The following TOP3A variants were observed in gnomAD, a reference collection of about 807,000 sequenced individuals.
TOP3A encodes the protein DNA topoisomerase 3-alpha.
In TOP3A, 64 loss-of-function variants were observed where a neutral mutation model predicts 111.3. The observed-to-expected ratio is 0.57, with a 90% CI of 0.47 to 0.71. The LOEUF (loss-of-function observed/expected upper bound fraction) is 0.71. TOP3A is among the 30% of genes least tolerant of loss of function. The pLI is 0.00. For synonymous variants in TOP3A, 484 were observed against 485.1 expected (o/e 1.00, Z 0.03); for missense variants, 1,104 against 1,285.0 (o/e 0.86, Z 2.15).
intron 9 of TOP3A, among the ~76,000 whole-genome samples, chr17:18,295,409 A>C (rs1344659412): frequency 1.3e-5 from 2 of 151,736 alleles, no homozygotes; most frequent in African/African-American, 4.8e-5. Context: ...CGGCCTCCCA[A>C]AGTGCTGGGA....
intron 1 of TOP3A, 48 bp downstream of exon 1, chr17:18,314,551 G>T: frequency 1.3e-6 from 2 of 1,557,968 alleles, no homozygotes; most frequent in Non-Finnish European, 1.7e-6. Flanking sequence ...TGTCCCGCTC[G>T]GTGGGCCTCC....
At chr17:18,308,783 G>A (rs1478223634) in intron 2 of TOP3A, 99 bp downstream of exon 2, 3 of 720,710 alleles carry the variant, frequency 4.2e-6, no homozygotes, top group Non-Finnish European at 6.6e-6. Context: ...GTTGTTAACA[G>A]TTGTTATTCT....
chr17:18,298,339 T>G (rs1297684580), intron 9 of TOP3A, among the ~76,000 whole-genome samples: 2 of 143,940 alleles, frequency 1.4e-5, no homozygotes, highest in African/African-American at 5.5e-5. Flanking sequence ...GGTGGGAGGG[T>G]CAGCCCCCCG....
chr17:18,303,799 G>A (rs1180755926), intron 5 of TOP3A, among the ~76,000 whole-genome samples: 1 of 152,196 alleles, frequency 6.6e-6, no homozygotes, highest in Non-Finnish European at 1.5e-5. Flanking sequence ...CAGCACTGGT[G>A]TAGGTCTTCA....
chr17:18,302,048 AG>A, intron 7 of TOP3A, 63 bp from the exon 8 acceptor site: 2 of 1,516,912 alleles, frequency 1.3e-6, no homozygotes, highest in African/African-American at 2.8e-5. Context: ...TATGACAGAT[AG>A]AAAAAGGTTT....
chr17:18,291,374 T>A (rs1354809905), intron 11 of TOP3A, among the ~76,000 whole-genome samples: 1 of 152,278 alleles, frequency 6.6e-6, no homozygotes, highest in African/African-American at 2.4e-5. Flanking sequence ...TTGCACCTGG[T>A]GGCCTTAGCC....
Position 18,314,766 on chromosome 17 carries a change from C to T in TOP3A, c.13G>A (p.Val5Ile). The change falls in exon 1 of 19, where the codon GTC becomes ATC. Residue 5 changes from valine to isoleucine, a missense_variant. By Grantham distance (29) the Val-to-Ile change is conservative (BLOSUM62 3). Transcript: ENST00000321105. MIFP[V>I]ARYALRWLRR... The stretch of plus-strand genomic sequence containing the variant: ...AGCCACCGGAGCGCGTAGCGGGCGA[C>T]AGGAAAGATCATCCTCAGACCTCGC... 4 of 1,550,662 alleles carry T rather than the reference C, an allele frequency of 2.6e-6. No individual in the cohort carries two copies. Among genetic ancestry groups the T allele is most frequent in the African/African-American group, 1.4e-5 (1 of 73,036 alleles).
Position 18,280,539 on chromosome 17 carries a change from T to C in TOP3A, c.2141A>G (p.Tyr714Cys). 6.2e-7 allele frequency: 1 copy of C among 1,613,480 alleles called. No individual in the cohort carries two copies. Among genetic ancestry groups the C allele is most frequent in the Non-Finnish European group, 8.5e-7 (1 of 1,179,698 alleles). Residue 714 changes from tyrosine to cysteine, a missense_variant, in exon 17 of 19, where the codon TAC becomes TGC. Coordinates refer to ENST00000321105, the MANE Select transcript of TOP3A (RefSeq NM_004618.5). ...VCPVCQPHPVYRLKLKFKRGS... is the reference protein window; with the variant it reads ...VCPVCQPHPVCRLKLKFKRGS... ...CTGACTCAGGTGCCCAGCTCACCTG[T>C]ACACAGGGTGTGGCTGACAAACTGG...
In TOP3A at chr17:18,285,158, C is replaced by T. The variant is rs757617285; in HGVS notation, c.1861G>A (p.Val621Met). Residue 621 changes from valine (V) to methionine (M), a missense_variant, in exon 15 of 19, where the codon GTG becomes ATG. Transcript: ENST00000321105. Reference protein sequence around the residue: ...QKYKQVFIEAVAKAKKLDEAL... With the variant: ...QKYKQVFIEAMAKAKKLDEAL... ...AGGACTTACTTCTTTGCTTTAGCCA[C>T]CGCTTCAATGAAAACCTGCTTGTAT... is the stretch of plus-strand genomic sequence containing the variant. The T allele has an allele frequency of 3.1e-6, 5 of 1,614,074 alleles. No homozygotes were observed. Among genetic ancestry groups the T allele is most frequent in the East Asian group, 2.2e-5 (1 of 44,884 alleles).
intron 15 of TOP3A, among the ~76,000 whole-genome samples, 162 bp from the exon 16 acceptor site, chr17:18,283,003 C>G (rs1234798301): frequency 2.6e-5 from 4 of 152,226 alleles, no homozygotes; most frequent in Non-Finnish European, 4.4e-5. Flanking sequence ...ACTGAGCTCA[C>G]CATGGGCCCT....
chr17:18,308,443 C>A lies in TOP3A; in HGVS notation c.241-19G>T, dbSNP rs1981719961. The stretch of plus-strand genomic sequence containing the variant: ...TAACATTCTGAATGATGACAAAATT[C>A]AAAATTCAGTTAGTCTTTTTGCAGT... On this transcript the variant is annotated intron_variant, in intron 2 of 18. Transcript: ENST00000321105. 1 of 1,544,220 alleles carries A rather than the reference C, an allele frequency of 6.5e-7. No individual in the cohort carries two copies. Among genetic ancestry groups the A allele is most frequent in the Non-Finnish European group, 8.9e-7 (1 of 1,127,622 alleles).
In TOP3A at chr17:18,278,047, C is replaced by A. The variant is rs755043610; in HGVS notation, c.2455G>T (p.Ala819Ser). 1 of 1,614,218 alleles carries A rather than the reference C, an allele frequency of 6.2e-7. No individual in the cohort carries two copies. Reference protein sequence around the residue: ...NSVTCNCGQEAVLLTVRKEGP... With the variant: ...NSVTCNCGQESVLLTVRKEGP... ...TCCTTACGGACAGTGAGCAGCACAG[C>A]CTCCTGGCCACAGTTGCAGGTCACA... The change falls in exon 18 of 19, where the codon GCT becomes TCT. Residue 819 changes from alanine (A) to serine (S), a missense_variant. By Grantham distance (99) the Ala-to-Ser change is moderately conservative. Transcript: ENST00000321105.
rs148158385 is a variant in TOP3A, at chr17:18,278,750, C to T, written c.2145-393G>A. Among the ~76,000 whole-genome samples the T allele has an allele frequency of 2.0e-3, 303 of 152,188 alleles. 1 individual carries two copies. The highest frequency in any genetic ancestry group is 7.1e-3 in the African/African-American group (294 of 41,540). ...ATCCCAGCACTTTGGGAGGCTGAGG[C>T]GGGCGGATCACAAAATCAAGAGATT... On this transcript the variant is annotated intron_variant, in intron 17 of 18. Coordinates refer to ENST00000321105, the MANE Select transcript of TOP3A (RefSeq NM_004618.5).
intron 4 of TOP3A, among the ~76,000 whole-genome samples, chr17:18,305,548 A>G (rs1981526969): frequency 6.6e-6 from 1 of 152,148 alleles, no homozygotes; most frequent in Non-Finnish European, 1.5e-5. Flanking sequence ...AGTTAAAAAA[A>G]ACGAAGCCGG....
At chr17:18,285,925 A>G (rs1195600557) in intron 13 of TOP3A, among the ~76,000 whole-genome samples, 3 of 152,182 alleles carry the variant, frequency 2.0e-5, no homozygotes, top group Admixed American at 6.6e-5. Flanking sequence ...GAAGGCTGGG[A>G]GCAGTGGCTT....
At chr17:18,301,243 G>GC (rs967439738) in intron 8 of TOP3A, among the ~76,000 whole-genome samples, 3 of 152,262 alleles carry the variant, frequency 2.0e-5, no homozygotes, top group Admixed American at 2.0e-4. Flanking sequence ...TAAACAATCA[G>GC]CCCAAGGGCC....
In TOP3A at chr17:18,311,714, G is replaced by A. The variant is rs1981923029; in HGVS notation, c.181-2773C>T. On this transcript the variant is annotated intron_variant, in intron 1 of 18. Transcript: ENST00000321105. ...AGTTTAGAGTCCAAGGAGAGGCAGTGACAAAAATCAAATAAATGATCGCAC... is the reference window on the plus strand; with the variant it reads ...AGTTTAGAGTCCAAGGAGAGGCAGTAACAAAAATCAAATAAATGATCGCAC... Among the ~76,000 whole-genome samples, 6 of 152,242 alleles carry A rather than the reference G, an allele frequency of 3.9e-5. 1 individual carries two copies. The South Asian group carries it at 1.2e-3, about 31-fold the overall frequency.
rs202043817 is a variant in TOP3A, at chr17:18,292,848, T to G, written c.1078A>C (p.Ile360Leu). The change falls in exon 11 of 19, where the codon ATC becomes CTC. Residue 360 changes from isoleucine to leucine, a missense_variant. By Grantham distance (5) the Ile-to-Leu change is conservative (BLOSUM62 2). Transcript: ENST00000321105. The part of the protein sequence containing the change: ...IAEKLYTQGY[I>L]SYPRTETNIF... Reference sequence around the variant, plus strand: ...TTTGTTTCTGTTCGGGGATAGCTGATGTACCTAAAACCAAGGCAAACAAAC... The same window carrying G: ...TTTGTTTCTGTTCGGGGATAGCTGAGGTACCTAAAACCAAGGCAAACAAAC... 9.3e-5 allele frequency: 150 copies of G among 1,611,846 alleles called. No individual in the cohort carries two copies. Among genetic ancestry groups the G allele is most frequent in the Non-Finnish European group, 1.1e-4 (135 of 1,178,720 alleles).
chr17:18,301,276 A>G (rs1276400919), intron 8 of TOP3A, among the ~76,000 whole-genome samples: 1 of 152,190 alleles, frequency 6.6e-6, no homozygotes, highest in Non-Finnish European at 1.5e-5. Flanking sequence ...GGTGGGTCCC[A>G]ACTCTGCCAC....
Sources: allele counts gnomAD v4.1 joint callset (sites outside exome capture counted in the v4.1 genomes callset), GRCh38; gene constraint gnomAD v4.1.1; transcripts MANE v1.5; gene names NCBI Gene and HGNC (gene_info 2026-07-23, HGNC 2026-07-21).